Variants in GNA11 observed in about 807,000 individuals in gnomAD.
GNA11 encodes guanine nucleotide-binding protein subunit alpha-11.
Under a neutral mutation model 38.2 loss-of-function variants are expected in GNA11, and 8 were observed. The ratio of observed to expected loss-of-function variants is 0.21; its 90% CI spans 0.12 to 0.38. GNA11 has a LOEUF of 0.38. GNA11 is among the 10% of genes least tolerant of loss of function. GNA11 has a pLI of 1.00. For missense variants in GNA11, 268 were observed against 516.3 expected (o/e 0.52, Z 4.66); for synonymous variants, 211 against 221.4 (o/e 0.95, Z 0.42).
At chr19:3,106,933 C>G (rs973086282) in intron 1 of GNA11, among the ~76,000 whole-genome samples, 6 of 152,192 alleles carry the variant, frequency 3.9e-5, no homozygotes, top group South Asian at 2.1e-4. Flanking sequence ...TCATTTTTGC[C>G]TTCCTTACAA....
At chr19:3,105,426 T>A (rs187922630) in intron 1 of GNA11, among the ~76,000 whole-genome samples, 586 of 144,114 alleles carry the variant, frequency 4.1e-3, no homozygotes, top group Admixed American at 6.5e-3. Context: ...TTGTGCTTCC[T>A]GGTACATAGA....
chr19:3,100,478 G>C (rs540424102), intron 1 of GNA11, among the ~76,000 whole-genome samples: 1 of 152,228 alleles, frequency 6.6e-6, no homozygotes, highest in Non-Finnish European at 1.5e-5. Flanking sequence ...GCGAGTGACC[G>C]TCATTGGCTG....
At chr19:3,117,541 CT>C (rs74373285) in intron 4 of GNA11, 42,515 of 152,190 alleles carry the variant, frequency 0.28, 6,993 homozygotes, top group Middle Eastern at 0.36. Flanking sequence ...GCCACCACGC[CT>C]GGCTAATTTT....
At chr19:3,097,963 C>T (rs1188747659) in intron 1 of GNA11, among the ~76,000 whole-genome samples, 4 of 152,314 alleles carry the variant, frequency 2.6e-5, no homozygotes, top group Middle Eastern at 3.4e-3. Context: ...TTGGGGGGCA[C>T]GTTGCCCCCA....
At chr19:3,099,140 CG>C (rs1041064322) in intron 1 of GNA11, among the ~76,000 whole-genome samples, 1 of 152,118 alleles carries the variant, frequency 6.6e-6, no homozygotes, top group Admixed American at 6.5e-5. Context: ...CTGGGCAGCA[CG>C]GGGAGGACGC....
At chr19:3,098,038 T>G (rs900393884) in intron 1 of GNA11, among the ~76,000 whole-genome samples, 1 of 152,232 alleles carries the variant, frequency 6.6e-6, no homozygotes, top group Non-Finnish European at 1.5e-5. Flanking sequence ...TGAGGGATAA[T>G]GAGTGCAAAT....
Position 3,121,758 on chromosome 19 carries a change from A to T in GNA11, c.*579A>T, listed in dbSNP as rs73527844. ...GCGCGCCTCGCCTCTTCACCCATCA[A>T]CGCTGTGCTTTGCCCACTGGACTCC... On this transcript the variant is annotated 3_prime_UTR_variant, in exon 7 of 7. Transcript: ENST00000078429. 2.2e-3 allele frequency: 518 copies of T among 232,750 alleles called. 3 individuals are homozygous for T. Among genetic ancestry groups the T allele is most frequent in the African/African-American group, 0.011 (493 of 45,400 alleles). 14.4% of individuals were successfully genotyped at this position (232,750 alleles called of 1,614,324 possible). A position where few individuals can be genotyped will look rare whatever the true frequency, so the allele number is the denominator to read the frequency against.
rs1223496935 is a variant in GNA11 at position 3,118,211 on chromosome 19, C to T, written c.606-713C>T. 6 of 152,342 alleles carry T rather than the reference C, an allele frequency of 3.9e-5. No individual in the cohort carries two copies. The East Asian group carries it at 5.8e-4, about 15-fold the overall frequency. 9.4% of individuals were successfully genotyped at this position (152,342 alleles called of 1,614,324 possible). A position where few individuals can be genotyped will look rare whatever the true frequency, so the allele number is the denominator to read the frequency against. On this transcript the variant is annotated intron_variant, in intron 4 of 6. Coordinates refer to ENST00000078429, the MANE Select transcript of GNA11 (RefSeq NM_002067.5). ...CCTGAGGGGCACTCTCCGCTTCTGC[C>T]TTTGTATTCTTTCAAGGAGACCAAA...
At chr19:3,113,810 G>A (rs1395648575) in intron 3 of GNA11, among the ~76,000 whole-genome samples, 1 of 152,106 alleles carries the variant, frequency 6.6e-6, no homozygotes. Context: ...GGAAACCCAG[G>A]GTCTCCTAGG....
intron 1 of GNA11, among the ~76,000 whole-genome samples, chr19:3,106,639 A>G (rs79480340): frequency 0.15 from 10,067 of 67,900 alleles, 736 homozygotes; most frequent in African/African-American, 0.26. Flanking sequence ...GGAGTGGTGC[A>G]CATGGGTTAA....
chr19:3,109,989 G>T (rs1299932462), intron 1 of GNA11, among the ~76,000 whole-genome samples, 160 bp from the exon 2 acceptor site: 2 of 152,098 alleles, frequency 1.3e-5, no homozygotes, highest in African/African-American at 2.4e-5. Flanking sequence ...TCTTTCCGAG[G>T]AGTCAGGAGG....
In GNA11 at chr19:3,110,162, C is replaced by T. The variant is rs759067107; in HGVS notation, c.150C>T (p.Ser50=). The T allele has an allele frequency of 2.6e-5, 42 of 1,609,336 alleles. No homozygotes were observed. Among genetic ancestry groups the T allele is most frequent in the Admixed American group, 1.2e-4 (7 of 59,410 alleles). The part of the protein sequence containing the change: ...LKLLLLGTGE[S]GKSTFIKQMR... Reference sequence around the variant, plus strand: ...CCCGTCCCCCAGGCACGGGCGAGAGCGGGAAGAGCACGTTCATCAAGCAGA... The same window carrying T: ...CCCGTCCCCCAGGCACGGGCGAGAGTGGGAAGAGCACGTTCATCAAGCAGA... Residue 50 remains serine, a synonymous_variant, in exon 2 of 7, where the codon AGC becomes AGT. Coordinates refer to ENST00000078429, the MANE Select transcript of GNA11 (RefSeq NM_002067.5). The surrounding 1 kb of genome is among the most constrained non-coding windows in gnomAD (Gnocchi z 5.4).
chr19:3,119,213 T>C lies in GNA11; in HGVS notation c.743T>C (p.Met248Thr). Residue 248 changes from methionine (M) to threonine (T), a missense_variant, in exon 6 of 7, where the codon ATG (methionine) becomes ACG (threonine). By Grantham distance (81) the Met-to-Thr change is moderately conservative. Transcript: ENST00000078429. The surrounding 1 kb of genome is among the most constrained non-coding windows in gnomAD (Gnocchi z 4.6). ...VLVESDNENR[M>T]EESKALFRTI... ...TGCCTTCGCTCCCGCCAGAACCGGATGGAGGAGAGCAAAGCCCTGTTCCGG... is the reference window on the plus strand; with the variant it reads ...TGCCTTCGCTCCCGCCAGAACCGGACGGAGGAGAGCAAAGCCCTGTTCCGG... 6.2e-7 allele frequency: 1 copy of C among 1,613,800 alleles called. No individual in the cohort carries two copies. Among genetic ancestry groups the C allele is most frequent in the Non-Finnish European group, 8.5e-7 (1 of 1,179,888 alleles).
At chr19:3,097,624 G>A (rs1461766696) in intron 1 of GNA11, among the ~76,000 whole-genome samples, 1 of 152,240 alleles carries the variant, frequency 6.6e-6, no homozygotes, top group Non-Finnish European at 1.5e-5. Flanking sequence ...GGCCTGTGAG[G>A]TCGGTCAGCC....
In GNA11 at chr19:3,122,098, G is replaced by A. The variant is rs575097212; in HGVS notation, c.*919G>A. On this transcript the variant is annotated 3_prime_UTR_variant, in exon 7 of 7. Coordinates refer to ENST00000078429, the MANE Select transcript of GNA11 (RefSeq NM_002067.5). This position sits in a 1 kb window ranked among gnomAD's most constrained non-coding sequence, Gnocchi z 7.7. ...CCCCACCGGAGCCCACGTGGGCTGG[G>A]CGGCTGGAGGGATGGTCCCCCGGTG... 492 of 233,366 alleles carry A rather than the reference G, an allele frequency of 2.1e-3. 3 individuals are homozygous for A. Among genetic ancestry groups the A allele is most frequent in the Admixed American group, 5.7e-3 (102 of 17,794 alleles). 14.5% of individuals were successfully genotyped at this position (233,366 alleles called of 1,614,324 possible). A position where few individuals can be genotyped will look rare whatever the true frequency, so the allele number is the denominator to read the frequency against.
In GNA11 at chr19:3,122,747, T is replaced by TA. The variant is rs1368044920; in HGVS notation, c.*1569dup. 26 of 233,520 alleles carry TA rather than the reference T, an allele frequency of 1.1e-4. No individual in the cohort carries two copies. The highest frequency in any genetic ancestry group is 5.5e-4 in the African/African-American group (25 of 45,428). 14.5% of individuals were successfully genotyped at this position (233,520 alleles called of 1,614,324 possible). A position where few individuals can be genotyped will look rare whatever the true frequency, so the allele number is the denominator to read the frequency against. ...GATGACAAAAGAAACAGCCCCAAAA[T>TA]ACGACCACTCCAACCAGCAGTTCCC... On this transcript the variant is annotated 3_prime_UTR_variant, in exon 7 of 7. Transcript: ENST00000078429. The surrounding 1 kb of genome is among the most constrained non-coding windows in gnomAD (Gnocchi z 7.7).
At chr19:3,118,753 G>C in intron 4 of GNA11, 171 bp from the exon 5 acceptor site, 2 of 625,326 alleles carry the variant, frequency 3.2e-6, no homozygotes. Context: ...CCTGGAGGCG[G>C]TGCGGCCGCT....
At chr19:3,095,725 T>C (rs1188894554) in intron 1 of GNA11, among the ~76,000 whole-genome samples, 1 of 151,908 alleles carries the variant, frequency 6.6e-6, no homozygotes, top group Non-Finnish European at 1.5e-5. Flanking sequence ...CCTTTGCTTG[T>C]TGTCCCAAGC....
At position 3,123,052 on chromosome 19, in the gene GNA11, T is replaced by G. The variant is rs1356478717; in HGVS notation, c.*1873T>G. On this transcript the variant is annotated 3_prime_UTR_variant, in exon 7 of 7. Transcript: ENST00000078429. ...GGTGCCAGAAGCCCCCCATGGCGAG[T>G]GCTGGGGCCCGGCGGTGCCCTGGGG... 4 of 232,984 alleles carry G rather than the reference T, an allele frequency of 1.7e-5. No individual in the cohort carries two copies. The highest frequency in any genetic ancestry group is 2.5e-5 in the Non-Finnish European group (3 of 118,122). 14.4% of individuals were successfully genotyped at this position (232,984 alleles called of 1,614,324 possible). A position where few individuals can be genotyped will look rare whatever the true frequency, so the allele number is the denominator to read the frequency against.
Sources: allele counts gnomAD v4.1 joint callset (sites outside exome capture counted in the v4.1 genomes callset), GRCh38; gene constraint gnomAD v4.1.1; non-coding constraint Gnocchi (gnomAD v3.1); transcripts MANE v1.5; gene names NCBI Gene and HGNC (gene_info 2026-07-23, HGNC 2026-07-21).